RALGPS2: variants seen among roughly 807,000 people sequenced by gnomAD.
The protein encoded by RALGPS2 is ras-specific guanine nucleotide-releasing factor RalGPS2.
RALGPS2 carries 43 observed loss-of-function variants against 86.8 expected under a neutral mutation model. The ratio of observed to expected loss-of-function variants is 0.50; its 90% CI spans 0.39 to 0.64. The LOEUF is 0.64. Among genes scored for constraint, RALGPS2 ranks in the 30% least tolerant of loss-of-function variants. The probability of loss-of-function intolerance (pLI) is 0.00; values close to 1 mark genes in which losing one functional copy is unlikely to be tolerated. For synonymous variants in RALGPS2, 243 were observed against 231.3 expected (o/e 1.05, Z -0.46); for missense variants, 536 against 694.6 (o/e 0.77, Z 2.57).
chr1:178,847,490 G>A (rs1252678605), intron 8 of RALGPS2, among the ~76,000 whole-genome samples: 1 of 151,836 alleles, frequency 6.6e-6, no homozygotes, highest in Admixed American at 6.6e-5. Flanking sequence ...TTTAAGATAA[G>A]ATGGCCATTT....
chr1:178,753,747 C>T (rs1651803313), intron 1 of RALGPS2: 1 of 152,112 alleles, frequency 6.6e-6, no homozygotes, highest in African/African-American at 2.4e-5. Context: ...AACCGTAAAA[C>T]ACTTCAGTTA....
In RALGPS2 at chr1:178,921,143, A is replaced by C. The variant is rs1359028229; in HGVS notation, c.*4784A>C. ...GAGTAGGCAAGTAGTCATTCAAGCC[A>C]AATGAAAGAGTTAACTGGTCCTTGA... On this transcript the variant is annotated 3_prime_UTR_variant, in exon 20 of 20. Coordinates refer to ENST00000367635, the MANE Select transcript of RALGPS2 (RefSeq NM_152663.5). 1 of 152,052 alleles carries C rather than the reference A, an allele frequency of 6.6e-6. No individual in the cohort carries two copies. Among genetic ancestry groups the C allele is most frequent in the Non-Finnish European group, 1.5e-5 (1 of 67,926 alleles). The allele number at this position is 152,052 out of a possible 1,614,324, so 9.4% of individuals were successfully genotyped here.
Position 178,910,166 on chromosome 1 carries a change from G to A in RALGPS2, c.1722+3299G>A, listed in dbSNP as rs184164360. Among the ~76,000 whole-genome samples, 17 of 152,274 alleles carry A rather than the reference G, an allele frequency of 1.1e-4. 1 individual carries two copies. The East Asian group carries it at 1.3e-3, about 12-fold the overall frequency. On this transcript the variant is annotated intron_variant, in intron 19 of 19. Transcript: ENST00000367635. ...TCAGATCTAGGAGCTTTGGGTCAGA[G>A]ACTATGGGGTTTTCTAGACATAACA...
At chr1:178,847,233 G>A (rs1261393050) in intron 8 of RALGPS2, among the ~76,000 whole-genome samples, 3 of 152,188 alleles carry the variant, frequency 2.0e-5, no homozygotes, top group East Asian at 3.9e-4. Context: ...ATCACCTGAG[G>A]TCAGGAGTTC....
chr1:178,793,538 C>T (rs745454383), intron 4 of RALGPS2, among the ~76,000 whole-genome samples: 1 of 151,790 alleles, frequency 6.6e-6, no homozygotes, highest in Non-Finnish European at 1.5e-5. Context: ...CCATGCCCAG[C>T]CCGGGAGTCT....
At chr1:178,774,673 G>A (rs1652990040) in intron 1 of RALGPS2, among the ~76,000 whole-genome samples, 1 of 152,176 alleles carries the variant, frequency 6.6e-6, no homozygotes, top group African/African-American at 2.4e-5. Flanking sequence ...TAGTTTAGAT[G>A]GGAGGAAATT....
intron 4 of RALGPS2, among the ~76,000 whole-genome samples, chr1:178,788,841 CTTTCTTTTCTTTTCTTTTCTTTTCT>C (rs199644509): frequency 9.1e-5 from 12 of 132,442 alleles, no homozygotes; most frequent in African/African-American, 2.9e-4. Flanking sequence ...TTCTTTCTTT[CTTTCTTTTCTTTTCTTTTCTTTTCT>C]TTTCTTTTCT....
intron 8 of RALGPS2, among the ~76,000 whole-genome samples, chr1:178,843,994 C>T (rs1656743828): frequency 6.6e-6 from 1 of 152,082 alleles, no homozygotes; most frequent in South Asian, 2.1e-4. Context: ...TTAAAACATA[C>T]ATGGTTTTGA....
intron 1 of RALGPS2, among the ~76,000 whole-genome samples, chr1:178,768,947 T>C (rs1307714984): frequency 4.6e-5 from 7 of 152,136 alleles, no homozygotes; most frequent in Non-Finnish European, 8.8e-5. Context: ...TAGCCACCCA[T>C]GCACCAGGAT....
At chr1:178,725,901 T>A (rs1649963208) in intron 1 of RALGPS2, 1 of 152,056 alleles carries the variant, frequency 6.6e-6, no homozygotes, top group African/African-American at 2.4e-5. Context: ...CCCAGAAGCC[T>A]GGCCGCAGAG....
chr1:178,840,751 A>G (rs1656562346), intron 8 of RALGPS2, among the ~76,000 whole-genome samples: 1 of 152,124 alleles, frequency 6.6e-6, no homozygotes, highest in Non-Finnish European at 1.5e-5. Context: ...GACCACTAGC[A>G]AGACTATATA....
chr1:178,829,733 A>G (rs1433431739), intron 7 of RALGPS2, among the ~76,000 whole-genome samples: 1 of 151,692 alleles, frequency 6.6e-6, no homozygotes, highest in Non-Finnish European at 1.5e-5. Flanking sequence ...TTTAAATTTT[A>G]TTTATTATTT....
rs561654540 is a variant in RALGPS2 at position 178,768,428 on chromosome 1, G to A, written c.-83-8254G>A. 5.9e-5 allele frequency among the ~76,000 whole-genome samples: 9 copies of A among 152,286 alleles called. No homozygotes were observed. The East Asian group carries it at 1.4e-3, about 23-fold the overall frequency. On this transcript the variant is annotated intron_variant, in intron 1 of 19. Transcript: ENST00000367635. Reference sequence around the variant, plus strand: ...AGGGGGTGTGACTATAGAGAATGCTGGGTAGGGTCTTTTGACTTTGCTTCT... The same window carrying A: ...AGGGGGTGTGACTATAGAGAATGCTAGGTAGGGTCTTTTGACTTTGCTTCT...
At chr1:178,803,604 T>C (rs922687929) in intron 4 of RALGPS2, among the ~76,000 whole-genome samples, 1 of 152,134 alleles carries the variant, frequency 6.6e-6, no homozygotes, top group African/African-American at 2.4e-5. Flanking sequence ...GTTTTCTTTT[T>C]TTACAGGGAG....
intron 16 of RALGPS2, among the ~76,000 whole-genome samples, chr1:178,894,778 C>T (rs556141562): frequency 6.8e-4 from 104 of 151,960 alleles, no homozygotes; most frequent in Non-Finnish European, 1.4e-3. Context: ...TTATATGTGC[C>T]ATATAGATTT....
At chr1:178,791,549 A>G (rs943362895) in intron 4 of RALGPS2, among the ~76,000 whole-genome samples, 8 of 152,166 alleles carry the variant, frequency 5.3e-5, no homozygotes, top group African/African-American at 1.9e-4. Context: ...TCTGAATCCA[A>G]CTGTGTGGTA....
At chr1:178,745,303 G>A (rs1470983430) in intron 1 of RALGPS2, among the ~76,000 whole-genome samples, 1 of 152,162 alleles carries the variant, frequency 6.6e-6, no homozygotes, top group Non-Finnish European at 1.5e-5. Flanking sequence ...AAATGTAAAG[G>A]ACGTAGAATA....
At chr1:178,844,299 A>G (rs1458340052) in intron 8 of RALGPS2, among the ~76,000 whole-genome samples, 1 of 152,238 alleles carries the variant, frequency 6.6e-6, no homozygotes, top group Non-Finnish European at 1.5e-5. Context: ...CATGAGGTAT[A>G]TGGTCCAAAC....
chr1:178,750,685 A>G (rs992149243), intron 1 of RALGPS2, among the ~76,000 whole-genome samples: 2 of 152,110 alleles, frequency 1.3e-5, no homozygotes, highest in Non-Finnish European at 2.9e-5. Context: ...CGTATTTATA[A>G]TTTCTTGGCT....
Sources: gnomAD v4.1 joint callset for allele counts (sites outside exome capture counted in the v4.1 genomes callset) on GRCh38, gnomAD v4.1.1 for gene constraint, MANE v1.5 for transcripts, NCBI Gene and HGNC (gene_info 2026-07-23, HGNC 2026-07-21) for gene names.